The following CUX2 variants were observed in gnomAD, a reference collection of about 807,000 sequenced individuals.
The protein encoded by CUX2 is cut like homeobox 2.
CUX2 carries 40 observed loss-of-function variants against 144.8 expected under a neutral mutation model. That is an observed-to-expected ratio of 0.28 (90% CI 0.21 to 0.36). The LOEUF (loss-of-function observed/expected upper bound fraction) is 0.36. CUX2 is among the 10% of genes least tolerant of loss of function. The pLI, the probability that CUX2 is intolerant of heterozygous loss-of-function variation, is 1.00. For synonymous variants in CUX2, 827 were observed against 875.6 expected (o/e 0.94, Z 0.98); for missense variants, 1,615 against 1,994.0 (o/e 0.81, Z 3.62).
At chr12:111,067,287 T>C (rs1308037514) in intron 1 of CUX2, among the ~76,000 whole-genome samples, 2 of 152,188 alleles carry the variant, frequency 1.3e-5, no homozygotes, top group Non-Finnish European at 2.9e-5. Context: ...CAGAATTCTC[T>C]GGTACTTTTC....
At chr12:111,044,266 G>C (rs1869893152) in intron 1 of CUX2, among the ~76,000 whole-genome samples, 1 of 152,176 alleles carries the variant, frequency 6.6e-6, no homozygotes, top group Admixed American at 6.5e-5. Flanking sequence ...TGAGGTCGCT[G>C]TCATGTCTTG....
At chr12:111,243,214 A>G (rs1020213518) in intron 3 of CUX2, among the ~76,000 whole-genome samples, 4 of 152,202 alleles carry the variant, frequency 2.6e-5, no homozygotes, top group African/African-American at 9.7e-5. Context: ...AGTTTCAACA[A>G]CTATTCCTGC....
intron 1 of CUX2, among the ~76,000 whole-genome samples, chr12:111,095,201 G>C (rs1872749593): frequency 6.6e-6 from 1 of 152,218 alleles, no homozygotes; most frequent in Non-Finnish European, 1.5e-5. Flanking sequence ...GCTCATGCCT[G>C]TAATCCTAGA....
At chr12:111,296,418 C>G in intron 7 of CUX2, 55 bp from the exon 8 acceptor site, 1 of 1,526,506 alleles carries the variant, frequency 6.6e-7, no homozygotes, top group Non-Finnish European at 8.9e-7. Flanking sequence ...CCCTGGGAGA[C>G]CCAGCTCCTT....
intron 2 of CUX2, among the ~76,000 whole-genome samples, chr12:111,215,079 ACAT>A (rs1221169205): frequency 2.6e-5 from 4 of 152,342 alleles, no homozygotes; most frequent in South Asian, 2.1e-4. Context: ...CAGGGAACAG[ACAT>A]CAGAGATCTC....
In CUX2 at chr12:111,256,810, A is replaced by C. The variant is rs954231025; in HGVS notation, c.223-6951A>C. On this transcript the variant is annotated intron_variant, in intron 3 of 21. Coordinates refer to ENST00000261726, the MANE Select transcript of CUX2 (RefSeq NM_015267.4). ...GGCCGGTCACAATGCTCACATCCTA[A>C]AGGTGTGCTTGGGGGAAGGCGGGGA... Among the ~76,000 whole-genome samples the C allele has an allele frequency of 2.0e-5, 3 of 151,964 alleles. No individual in the cohort carries two copies. In the East Asian group the frequency reaches 5.8e-4, roughly 29 times the overall value.
At position 111,348,755 on chromosome 12, in the gene CUX2, A is replaced by C. The variant is rs563149104; in HGVS notation, c.*430A>C. The C allele has an allele frequency of 3.1e-5, 5 of 163,874 alleles. No homozygotes were observed. The highest frequency in any genetic ancestry group is 3.6e-4 in the East Asian group (2 of 5,588). The allele number at this position is 163,874 out of a possible 1,614,324, so 10.2% of individuals were successfully genotyped here. On this transcript the variant is annotated 3_prime_UTR_variant, in exon 22 of 22. Transcript: ENST00000261726. ...CAGGATGCTGTCACAACTGTTGCGA[A>C]GTATACACTGAAGTTGTGTCGTTTT...
At chr12:111,314,091 A>G (rs1887050816) in intron 16 of CUX2, among the ~76,000 whole-genome samples, 1 of 152,174 alleles carries the variant, frequency 6.6e-6, no homozygotes, top group Non-Finnish European at 1.5e-5. Context: ...ACCCTGCCCC[A>G]CCTGTAAAAT....
chr12:111,234,211 T>G (rs1193903370), intron 3 of CUX2, among the ~76,000 whole-genome samples: 1 of 152,190 alleles, frequency 6.6e-6, no homozygotes, highest in Non-Finnish European at 1.5e-5. Context: ...TGTCAGGGAA[T>G]AGGACAGAGC....
At chr12:111,038,884 C>T (rs1299039823) in intron 1 of CUX2, among the ~76,000 whole-genome samples, 3 of 145,492 alleles carry the variant, frequency 2.1e-5, no homozygotes, top group South Asian at 4.5e-4. Flanking sequence ...CAGATGAGCA[C>T]GGTGCTATTT....
chr12:111,243,981 T>C (rs962799497), intron 3 of CUX2, among the ~76,000 whole-genome samples: 2 of 152,250 alleles, frequency 1.3e-5, no homozygotes, highest in South Asian at 4.1e-4. Flanking sequence ...CTGCAGCTGA[T>C]TGGACCAGGG....
chr12:111,339,023 G>A (rs1464930016), intron 20 of CUX2, among the ~76,000 whole-genome samples: 6 of 151,848 alleles, frequency 4.0e-5, no homozygotes, highest in African/African-American at 9.7e-5. Flanking sequence ...ACCTGAGGTC[G>A]GGAGTTCAAG....
chr12:111,249,445 G>GTTTTTTTTT (rs58383341), intron 3 of CUX2, among the ~76,000 whole-genome samples: 1 of 63,366 alleles, frequency 1.6e-5, no homozygotes, highest in Admixed American at 1.8e-4. Flanking sequence ...CCCTTTTTTT[G>GTTTTTTTTT]TTTTTTTTTT....
chr12:111,249,120 A>G (rs1883425222), intron 3 of CUX2, among the ~76,000 whole-genome samples: 1 of 152,132 alleles, frequency 6.6e-6, no homozygotes, highest in Admixed American at 6.6e-5. Context: ...GGGAGCACAC[A>G]TGGCAGTATC....
chr12:111,111,567 G>A (rs576367907), intron 1 of CUX2, among the ~76,000 whole-genome samples: 1 of 152,258 alleles, frequency 6.6e-6, no homozygotes, highest in South Asian at 2.1e-4. Flanking sequence ...GAATCCTTTG[G>A]CAGTGATCTC....
rs963079315 is a variant in CUX2, at chr12:111,278,195, T to A, written c.302-13223T>A. On this transcript the variant is annotated intron_variant, in intron 4 of 21. Coordinates refer to ENST00000261726, the MANE Select transcript of CUX2 (RefSeq NM_015267.4). Reference sequence around the variant, plus strand: ...ACTTTGGGAGGCTGAGGTGGGAGGATCACCTGAGCCCAGGAGTTTGAGACC... The same window carrying A: ...ACTTTGGGAGGCTGAGGTGGGAGGAACACCTGAGCCCAGGAGTTTGAGACC... Among the ~76,000 whole-genome samples, 29 of 152,262 alleles carry A rather than the reference T, an allele frequency of 1.9e-4. 2 individuals carry two copies. Among genetic ancestry groups the A allele is most frequent in the Middle Eastern group, 3.4e-3 (1 of 294 alleles).
intron 4 of CUX2, 48 bp from the exon 5 acceptor site, chr12:111,291,370 C>T (rs1412555285): frequency 6.5e-7 from 1 of 1,547,776 alleles, no homozygotes; most frequent in Non-Finnish European, 8.7e-7. Flanking sequence ...GCCCGGGTGT[C>T]CCTATCCATC....
chr12:111,134,620 CTGTG>C (rs750270262), intron 1 of CUX2, among the ~76,000 whole-genome samples: 17 of 142,194 alleles, frequency 1.2e-4, no homozygotes, highest in Middle Eastern at 3.5e-3. Context: ...CTCTCTCTCT[CTGTG>C]TGTGTGTGTG....
At chr12:111,330,044 C>T (rs1888019692) in intron 18 of CUX2, among the ~76,000 whole-genome samples, 2 of 152,200 alleles carry the variant, frequency 1.3e-5, no homozygotes, top group South Asian at 2.1e-4. Context: ...CCCACACCAA[C>T]ATGGCATCAG....
Sources: allele counts gnomAD v4.1 joint callset (sites outside exome capture counted in the v4.1 genomes callset), GRCh38; gene constraint gnomAD v4.1.1; transcripts MANE v1.5; gene names NCBI Gene and HGNC (gene_info 2026-07-23, HGNC 2026-07-21).